Variants in IL3RA observed in about 807,000 individuals in gnomAD.
IL3RA encodes interleukin 3 receptor subunit alpha.
A neutral mutation model predicts 52.3 loss-of-function variants in IL3RA; 73 were observed. The observed-to-expected ratio is 1.40, with a 90% CI of 1.16 to 1.70. The LOEUF (loss-of-function observed/expected upper bound fraction) is 1.70. Ranked by LOEUF, IL3RA falls within the 40% of genes most tolerant of loss-of-function variation. The pLI, the probability that IL3RA is intolerant of heterozygous loss-of-function variation, is 0.00. For missense variants in IL3RA, 664 were observed against 504.4 expected, an observed-to-expected ratio of 1.32 and a Z score of -3.03; for synonymous variants, 260 against 194.0, an observed-to-expected ratio of 1.34 and a Z score of -2.83.
chrX:1,362,206 GTC>G (rs759530749), intron 8 of IL3RA, among the ~76,000 whole-genome samples: 7 of 148,578 alleles, frequency 4.7e-5, no homozygotes, highest in Admixed American at 2.0e-4. Flanking sequence ...CTCCGTTTCT[GTC>G]TCTCTCTCTG....
intron 7 of IL3RA, 79 bp from the exon 8 acceptor site, chrX:1,358,782 G>A (rs2086929515): frequency 2.0e-6 from 3 of 1,528,828 alleles, no homozygotes; most frequent in Non-Finnish European, 2.7e-6. Flanking sequence ...TTTCCTGGAG[G>A]GAGAAATTTG....
intron 4 of IL3RA, among the ~76,000 whole-genome samples, chrX:1,349,413 T>C (rs1425244281): frequency 6.6e-6 from 1 of 151,600 alleles, no homozygotes; most frequent in Non-Finnish European, 1.5e-5. Flanking sequence ...AACTCCTGAC[T>C]TCGTGATCTG....
chrX:1,339,509 T>A (rs777713961), intron 1 of IL3RA, among the ~76,000 whole-genome samples: 1 of 152,242 alleles, frequency 6.6e-6, no homozygotes, highest in South Asian at 2.1e-4. Flanking sequence ...TTAAAAGATG[T>A]TAGGCCGGGC....
intron 2 of IL3RA, among the ~76,000 whole-genome samples, chrX:1,343,775 CTTT>C (rs763658712): frequency 4.7e-5 from 6 of 128,838 alleles, no homozygotes; most frequent in Non-Finnish European, 6.4e-5. Context: ...TTCTTTCTTT[CTTT>C]TTTTTTTTTT....
Position 1,361,747 on chromosome X carries a change from C to T in IL3RA, c.759+2860C>T, listed in dbSNP as rs1162179596. 1.5e-4 allele frequency among the ~76,000 whole-genome samples: 18 copies of T among 118,290 alleles called. No homozygotes were observed. The South Asian group carries it at 1.9e-3, about 12-fold the overall frequency. 77.6% of individuals were successfully genotyped at this position (118,290 alleles called of 152,430 possible). A position where few individuals can be genotyped will look rare whatever the true frequency, so the allele number is the denominator to read the frequency against. On this transcript the variant is annotated intron_variant, in intron 8 of 11. Transcript: ENST00000331035. ...CAGCCTGGGTGACAGAGTGAGACTC[C>T]GTCTCGAGAAAAAAAAAAAAAAAAA...
intron 6 of IL3RA, among the ~76,000 whole-genome samples, chrX:1,354,576 GAAGAA>G (rs1487550300): frequency 8.1e-6 from 1 of 123,636 alleles, no homozygotes; most frequent in African/African-American, 3.1e-5. Context: ...AGGAGGAAGA[GAAGAA>G]AACGGAGAAA....
At chrX:1,363,493 G>A (rs1237771229) in intron 8 of IL3RA, among the ~76,000 whole-genome samples, 8 of 150,972 alleles carry the variant, frequency 5.3e-5, no homozygotes, top group Admixed American at 1.3e-4. Context: ...GTAGAGACGG[G>A]GTTTCACTGT....
intron 1 of IL3RA, among the ~76,000 whole-genome samples, 165 bp downstream of exon 1, chrX:1,337,091 A>G (rs1473454509): frequency 6.6e-6 from 1 of 152,094 alleles, no homozygotes; most frequent in Non-Finnish European, 1.5e-5. Context: ...ACATAGAATG[A>G]CCCGGTACCA....
At chrX:1,350,004 G>A (rs145067956) in intron 4 of IL3RA, among the ~76,000 whole-genome samples, 1,902 of 151,822 alleles carry the variant, frequency 0.013, 51 homozygotes, top group African/African-American at 0.043. Context: ...ATGCCGAGTC[G>A]GAAAAAAAAG....
chrX:1,368,608 A>G (rs1219081515), intron 9 of IL3RA, among the ~76,000 whole-genome samples: 1 of 152,170 alleles, frequency 6.6e-6, no homozygotes, highest in African/African-American at 2.4e-5. Flanking sequence ...GATTAAGGTA[A>G]AATGAGGTCA....
At chrX:1,359,021 GTTA>G (rs199812502) in intron 8 of IL3RA, 134 bp downstream of exon 8, 14,340 of 652,602 alleles carry the variant, frequency 0.022, 418 homozygotes, top group African/African-American at 0.091. Context: ...AATAATAAAT[GTTA>G]TTATTCAATG....
chrX:1,365,275 G>C, intron 9 of IL3RA, 23 bp downstream of exon 9: 2 of 1,403,930 alleles, frequency 1.4e-6, no homozygotes, highest in Non-Finnish European at 2.0e-6. Flanking sequence ...TGCGGGGTGC[G>C]CGGGGTGAGC....
At chrX:1,346,911 C>G (rs1472816394) in intron 3 of IL3RA, among the ~76,000 whole-genome samples, 2 of 151,278 alleles carry the variant, frequency 1.3e-5, no homozygotes, top group Admixed American at 6.6e-5. Context: ...TTATAAAATC[C>G]TACCCCCAGC....
At chrX:1,360,488 C>A (rs1196740178) in intron 8 of IL3RA, among the ~76,000 whole-genome samples, 1 of 151,868 alleles carries the variant, frequency 6.6e-6, no homozygotes, top group African/African-American at 2.4e-5. Context: ...CTCTCTGTAT[C>A]TCTGTATCTC....
At chrX:1,378,125 G>T (rs1248962157) in intron 9 of IL3RA, among the ~76,000 whole-genome samples, 2 of 149,074 alleles carry the variant, frequency 1.3e-5, no homozygotes, top group African/African-American at 2.5e-5. Context: ...GGTGGAGGTT[G>T]TGAGCTGAGA....
At chrX:1,378,997 C>T (rs2088992840) in intron 10 of IL3RA, among the ~76,000 whole-genome samples, 1 of 149,734 alleles carries the variant, frequency 6.7e-6, no homozygotes, top group Non-Finnish European at 1.5e-5. Context: ...CACCCAGCAA[C>T]ACACCCAGCT....
At chrX:1,343,738 C>G (rs1284029999) in intron 2 of IL3RA, among the ~76,000 whole-genome samples, 27 of 148,278 alleles carry the variant, frequency 1.8e-4, no homozygotes, top group African/African-American at 6.6e-4. Context: ...ATCTTGAGCT[C>G]TGTGATGGCT....
intron 3 of IL3RA, among the ~76,000 whole-genome samples, chrX:1,345,842 A>C (rs377088965): frequency 4.6e-5 from 7 of 152,080 alleles, no homozygotes; most frequent in African/African-American, 1.7e-4. Flanking sequence ...CAGGAATCTC[A>C]GAACCAATAC....
At position 1,352,445 on chromosome X, in the gene IL3RA, G is replaced by C; in HGVS notation, c.555G>C (p.Arg185=). ...CTCAAAGTTCCCACATCCTGGTGCG[G>C]GGCAGGAGCGCAGCCTTCGGTATCC... The part of the protein sequence containing the change: ...SGSQSSHILV[R]GRSAAFGIPC... The change falls in exon 6 of 12, where the codon CGG becomes CGC. Residue 185 remains arginine (R), a synonymous_variant. Coordinates refer to ENST00000331035, the MANE Select transcript of IL3RA (RefSeq NM_002183.4). 6.2e-7 allele frequency: 1 copy of C among 1,613,858 alleles called. No individual in the cohort carries two copies. Among genetic ancestry groups the C allele is most frequent in the Non-Finnish European group, 8.5e-7 (1 of 1,179,870 alleles).
Sources: allele counts gnomAD v4.1 joint callset (sites outside exome capture counted in the v4.1 genomes callset), GRCh38; gene constraint gnomAD v4.1.1; transcripts MANE v1.5; gene names NCBI Gene and HGNC (gene_info 2026-07-23, HGNC 2026-07-21).